The following RGS6 variants were observed in gnomAD, a reference collection of about 807,000 sequenced individuals.
RGS6 encodes the protein regulator of G protein signaling 6.
Under a neutral mutation model 78.5 loss-of-function variants are expected in RGS6, and 30 were observed. The ratio of observed to expected loss-of-function variants is 0.38; its 90% CI spans 0.29 to 0.52. RGS6 has a LOEUF of 0.52. Ranked by LOEUF, RGS6 falls within the 20% of genes least tolerant of loss-of-function variation. The pLI is 0.85. For synonymous variants in RGS6, 206 were observed against 206.0 expected, an observed-to-expected ratio of 1.00 and a Z score of 0.00; for missense variants, 495 against 609.7, an observed-to-expected ratio of 0.81 and a Z score of 1.98.
At chr14:72,394,530 G>C (rs1394572523) in intron 3 of RGS6, among the ~76,000 whole-genome samples, 1 of 152,154 alleles carries the variant, frequency 6.6e-6, no homozygotes, top group East Asian at 1.9e-4. Context: ...CTCTTTCTCA[G>C]GGATGTTCCT....
At chr14:72,384,021 C>T (rs995281736) in intron 3 of RGS6, among the ~76,000 whole-genome samples, 1 of 152,068 alleles carries the variant, frequency 6.6e-6, no homozygotes, top group East Asian at 1.9e-4. Context: ...TCTACATGGA[C>T]GTTAACTCAG....
intron 1 of RGS6, among the ~76,000 whole-genome samples, chr14:71,950,507 C>T (rs773494663): frequency 3.4e-4 from 51 of 152,050 alleles, no homozygotes; most frequent in Non-Finnish European, 6.6e-4. Flanking sequence ...AGGACATAGG[C>T]ACAGGCAAAG....
At chr14:72,299,735 T>C (rs2065652767) in intron 2 of RGS6, among the ~76,000 whole-genome samples, 1 of 152,246 alleles carries the variant, frequency 6.6e-6, no homozygotes, top group African/African-American at 2.4e-5. Context: ...TGGCTAATGA[T>C]GTTGAGCATC....
intron 2 of RGS6, among the ~76,000 whole-genome samples, chr14:72,290,867 C>G (rs533948840): frequency 6.6e-6 from 1 of 152,166 alleles, no homozygotes; most frequent in South Asian, 2.1e-4. Context: ...CCAAGGGCAA[C>G]AAGGTTTGAA....
chr14:72,310,373 A>C (rs2068289935), intron 2 of RGS6, among the ~76,000 whole-genome samples: 1 of 152,176 alleles, frequency 6.6e-6, no homozygotes, highest in Non-Finnish European at 1.5e-5. Context: ...CCTGGGTATA[A>C]AATACTGAGC....
In RGS6 at chr14:72,507,812, C is replaced by A. The variant is rs78784745; in HGVS notation, c.966-2342C>A. 5.3e-5 allele frequency among the ~76,000 whole-genome samples: 8 copies of A among 152,292 alleles called. No homozygotes were observed. In the East Asian group the frequency reaches 1.3e-3, roughly 26 times the overall value. On this transcript the variant is annotated intron_variant, in intron 13 of 17. Transcript: ENST00000553525. ...GAGTACAGCTGCCACTAGTACCATC[C>A]CTGGAGAGCCCTGAATCCTCCTCTG...
the RGS6 span, among the ~76,000 whole-genome samples, chr14:71,875,480 C>T: frequency 4.6e-5 from 7 of 152,084 alleles, no homozygotes; most frequent in Non-Finnish European, 8.8e-5. Flanking sequence ...TCTGTGGGAT[C>T]GGTGATGATA....
At chr14:72,446,987 C>A (rs1250186515) in intron 3 of RGS6, among the ~76,000 whole-genome samples, 1 of 152,126 alleles carries the variant, frequency 6.6e-6, no homozygotes, top group Non-Finnish European at 1.5e-5. Flanking sequence ...TGGTTCCTAA[C>A]AGGCCAGGGA....
intron 2 of RGS6, among the ~76,000 whole-genome samples, chr14:72,178,016 A>G (rs147156891): frequency 6.6e-6 from 1 of 152,092 alleles, no homozygotes; most frequent in Non-Finnish European, 1.5e-5. Context: ...ACCTTCTCCC[A>G]TAGGTGCTAG....
chr14:72,139,046 G>T (rs2096495717), intron 2 of RGS6, among the ~76,000 whole-genome samples: 1 of 152,112 alleles, frequency 6.6e-6, no homozygotes, highest in Non-Finnish European at 1.5e-5. Flanking sequence ...AAAAAGTTGG[G>T]GACTGTTGCC....
the RGS6 span, among the ~76,000 whole-genome samples, chr14:72,580,606 C>G: frequency 6.6e-6 from 1 of 152,208 alleles, no homozygotes; most frequent in East Asian, 1.9e-4. Flanking sequence ...CAAGGCTGCT[C>G]CCAAGAATGT....
At chr14:72,596,318 T>G in the RGS6 span, among the ~76,000 whole-genome samples, 1 of 152,210 alleles carries the variant, frequency 6.6e-6, no homozygotes, top group African/African-American at 2.4e-5. Flanking sequence ...TTCTGCCTCC[T>G]TCTTCCATCA....
At chr14:71,977,757 G>A (rs1178651376) in intron 2 of RGS6, among the ~76,000 whole-genome samples, 1 of 151,704 alleles carries the variant, frequency 6.6e-6, no homozygotes, top group Non-Finnish European at 1.5e-5. Flanking sequence ...CTCTTTTTTG[G>A]TTCCATATGA....
intron 3 of RGS6, among the ~76,000 whole-genome samples, chr14:72,405,206 G>A (rs141189137): frequency 0.02 from 2,986 of 152,260 alleles, 57 homozygotes; most frequent in Middle Eastern, 0.068. Context: ...TCCCTGCAGG[G>A]TCTTTGCTGC....
intron 2 of RGS6, among the ~76,000 whole-genome samples, chr14:72,074,235 C>T (rs948868801): frequency 1.4e-4 from 21 of 152,176 alleles, no homozygotes; most frequent in African/African-American, 4.3e-4. Flanking sequence ...CTCGCTCTGC[C>T]GCTCAGACTG....
At chr14:71,911,930 G>A in the RGS6 span, among the ~76,000 whole-genome samples, 1 of 152,212 alleles carries the variant, frequency 6.6e-6, no homozygotes, top group Non-Finnish European at 1.5e-5. Flanking sequence ...GCATGCATGT[G>A]TAGAAGGCAA....
At chr14:72,275,871 T>C (rs2060589441) in intron 2 of RGS6, among the ~76,000 whole-genome samples, 3 of 152,158 alleles carry the variant, frequency 2.0e-5, no homozygotes. Flanking sequence ...CTTTGGAGGG[T>C]ACCTCACAGG....
chr14:71,896,405 C>T, the RGS6 span, among the ~76,000 whole-genome samples: 1 of 152,144 alleles, frequency 6.6e-6, no homozygotes, highest in Non-Finnish European at 1.5e-5. Context: ...CATTTGTAAT[C>T]TGTCATGGCG....
At chr14:72,186,084 T>C (rs2075457035) in intron 2 of RGS6, among the ~76,000 whole-genome samples, 1 of 152,244 alleles carries the variant, frequency 6.6e-6, no homozygotes, top group Non-Finnish European at 1.5e-5. Flanking sequence ...TCTAGGCAGC[T>C]GGCGTGGAGG....
Sources: allele counts gnomAD v4.1 joint callset (sites outside exome capture counted in the v4.1 genomes callset), GRCh38; gene constraint gnomAD v4.1.1; transcripts MANE v1.5; gene names NCBI Gene and HGNC (gene_info 2026-07-23, HGNC 2026-07-21).